RALA: variants seen among roughly 807,000 people sequenced by gnomAD.
RALA encodes ras-related protein Ral-A.
RALA carries 5 observed loss-of-function variants against 24.0 expected under a neutral mutation model. The observed-to-expected ratio is 0.21, with a 90% CI of 0.11 to 0.44. The LOEUF (loss-of-function observed/expected upper bound fraction) is 0.44. Among genes scored for constraint, RALA ranks in the 20% least tolerant of loss-of-function variants. The probability of loss-of-function intolerance (pLI) is 0.99; values close to 1 mark genes in which losing one functional copy is unlikely to be tolerated. For missense variants in RALA, 95 were observed against 241.2 expected (o/e 0.39, Z 4.01); for synonymous variants, 77 against 83.8 (o/e 0.92, Z 0.44).
intron 1 of RALA, among the ~76,000 whole-genome samples, chr7:39,658,028 A>AT (rs2115986764): frequency 6.6e-6 from 1 of 152,344 alleles, no homozygotes; most frequent in Admixed American, 6.5e-5. Flanking sequence ...AAGAGTATTA[A>AT]TAGCACATGC....
intron 4 of RALA, among the ~76,000 whole-genome samples, chr7:39,699,137 T>TTTTA (rs1792974741): frequency 8.0e-6 from 1 of 124,716 alleles, no homozygotes; most frequent in Non-Finnish European, 1.7e-5. Context: ...TTTTTTTTTT[T>TTTTA]TTTTTTTTTT....
At chr7:39,628,597 C>T (rs1172019052) in intron 1 of RALA, among the ~76,000 whole-genome samples, 3 of 152,170 alleles carry the variant, frequency 2.0e-5, no homozygotes, top group African/African-American at 7.2e-5. Context: ...GCTCTTTCAC[C>T]CGTGCTGGAG....
chr7:39,650,391 C>A lies in RALA; in HGVS notation c.-38+26566C>A, dbSNP rs117585336. On this transcript the variant is annotated intron_variant, in intron 1 of 4. Coordinates refer to ENST00000005257, the MANE Select transcript of RALA (RefSeq NM_005402.4). ...AGAGTTGAGTAGTGCTGCAGAGAAGCCTAAAATATTTACTAGAAAGAGTTT... is the reference window on the plus strand; with the variant it reads ...AGAGTTGAGTAGTGCTGCAGAGAAGACTAAAATATTTACTAGAAAGAGTTT... 6.2e-3 allele frequency among the ~76,000 whole-genome samples: 944 copies of A among 152,060 alleles called. 5 individuals carry two copies. Among genetic ancestry groups the A allele is most frequent in the Middle Eastern group, 0.017 (5 of 294 alleles).
At chr7:39,655,564 C>A (rs1792081941) in intron 1 of RALA, among the ~76,000 whole-genome samples, 1 of 151,872 alleles carries the variant, frequency 6.6e-6, no homozygotes, top group Non-Finnish European at 1.5e-5. Flanking sequence ...CTTTTGATAA[C>A]CAAGGTTTTT....
At chr7:39,686,205 C>CAAA (rs35214885) in intron 1 of RALA, among the ~76,000 whole-genome samples, 184 of 92,996 alleles carry the variant, frequency 2.0e-3, no homozygotes, top group African/African-American at 5.7e-3. Context: ...GACTCCGTCT[C>CAAA]AAAAAAAAAA....
chr7:39,673,955 G>A (rs1792431828), intron 1 of RALA, among the ~76,000 whole-genome samples: 1 of 151,806 alleles, frequency 6.6e-6, no homozygotes, highest in South Asian at 2.1e-4. Flanking sequence ...ACCAGCCCAG[G>A]CAACATAGTG....
chr7:39,680,400 A>AC (rs1554297572), intron 1 of RALA, among the ~76,000 whole-genome samples: 1 of 146,592 alleles, frequency 6.8e-6, no homozygotes, highest in African/African-American at 2.6e-5. Context: ...AACAAAAAAA[A>AC]CACAAATATA....
At chr7:39,670,252 C>T (rs1277044850) in intron 1 of RALA, among the ~76,000 whole-genome samples, 1 of 152,152 alleles carries the variant, frequency 6.6e-6, no homozygotes. Flanking sequence ...CTTAAGTGAT[C>T]TTCTCACCTG....
At chr7:39,671,790 G>A (rs982209027) in intron 1 of RALA, among the ~76,000 whole-genome samples, 9 of 152,106 alleles carry the variant, frequency 5.9e-5, no homozygotes, top group Non-Finnish European at 1.2e-4. Context: ...ATTATTTTGT[G>A]TTCTTCTTAT....
chr7:39,654,605 C>A (rs1792068220), intron 1 of RALA, among the ~76,000 whole-genome samples: 1 of 152,154 alleles, frequency 6.6e-6, no homozygotes, highest in African/African-American at 2.4e-5. Context: ...TCTAGGAAAT[C>A]ATCGAATGCC....
chr7:39,687,094 G>A (rs1443346092), intron 2 of RALA, among the ~76,000 whole-genome samples: 2 of 152,074 alleles, frequency 1.3e-5, no homozygotes, highest in East Asian at 1.9e-4. Flanking sequence ...GAAGTGGTGT[G>A]TATAATACTT....
chr7:39,691,925 T>C (rs2116085634), intron 3 of RALA, among the ~76,000 whole-genome samples: 2 of 152,306 alleles, frequency 1.3e-5, no homozygotes, highest in African/African-American at 4.8e-5. Flanking sequence ...GTTATCACCA[T>C]AGTCACCAAA....
At chr7:39,698,840 C>T (rs896825955) in intron 4 of RALA, among the ~76,000 whole-genome samples, 6 of 152,154 alleles carry the variant, frequency 3.9e-5, no homozygotes, top group Admixed American at 2.0e-4. Context: ...GAAAATGGCC[C>T]AAAAACAGCA....
At chr7:39,683,030 G>A (rs1792634101) in intron 1 of RALA, among the ~76,000 whole-genome samples, 1 of 152,094 alleles carries the variant, frequency 6.6e-6, no homozygotes, top group African/African-American at 2.4e-5. Context: ...ATCAGGGTAG[G>A]GCCCCCATGA....
chr7:39,665,674 C>G (rs2876862), intron 1 of RALA, among the ~76,000 whole-genome samples: 1 of 150,412 alleles, frequency 6.6e-6, no homozygotes, highest in African/African-American at 2.4e-5. Context: ...GTGTGATTAT[C>G]GCTATTTTAT....
At chr7:39,654,986 C>G (rs1309203373) in intron 1 of RALA, among the ~76,000 whole-genome samples, 1 of 152,166 alleles carries the variant, frequency 6.6e-6, no homozygotes, top group Non-Finnish European at 1.5e-5. Flanking sequence ...TGAGCTCAAG[C>G]AATCCTCCTG....
intron 1 of RALA, among the ~76,000 whole-genome samples, chr7:39,646,612 G>A (rs1791927042): frequency 6.6e-6 from 1 of 152,180 alleles, no homozygotes; most frequent in Non-Finnish European, 1.5e-5. Context: ...GAGTAACAGA[G>A]CAAGACCCTG....
At chr7:39,705,055 A>T (rs547605799) in intron 4 of RALA, among the ~76,000 whole-genome samples, 2 of 152,190 alleles carry the variant, frequency 1.3e-5, no homozygotes, top group Admixed American at 1.3e-4. Flanking sequence ...GAGATGCCTC[A>T]CTCTTCCTTG....
At chr7:39,676,434 C>T (rs1792488812) in intron 1 of RALA, among the ~76,000 whole-genome samples, 2 of 152,196 alleles carry the variant, frequency 1.3e-5, no homozygotes, top group Admixed American at 6.5e-5. Context: ...TGCCTGGGAT[C>T]AGAAGTGTTT....
Sources: gnomAD v4.1 joint callset for allele counts (sites outside exome capture counted in the v4.1 genomes callset) on GRCh38, gnomAD v4.1.1 for gene constraint, MANE v1.5 for transcripts, NCBI Gene and HGNC (gene_info 2026-07-23, HGNC 2026-07-21) for gene names.